MAML3: variants seen among roughly 807,000 people sequenced by gnomAD.
MAML3 encodes mastermind like transcriptional coactivator 3.
A neutral mutation model predicts 101.9 loss-of-function variants in MAML3; 27 were observed. The ratio of observed to expected loss-of-function variants is 0.27; its 90% CI spans 0.20 to 0.37. The LOEUF (loss-of-function observed/expected upper bound fraction) is 0.37. MAML3 is among the 10% of genes least tolerant of loss of function. The pLI is 1.00. For synonymous variants in MAML3, 501 were observed against 555.9 expected (o/e 0.90, Z 1.39); for missense variants, 1,316 against 1,444.9 (o/e 0.91, Z 1.45).
chr4:140,000,330 T>C (rs570639191), intron 1 of MAML3, among the ~76,000 whole-genome samples: 14 of 150,476 alleles, frequency 9.3e-5, no homozygotes, highest in Non-Finnish European at 1.8e-4. Context: ...CCCCTATCCC[T>C]GAAGAAAAAA....
At chr4:139,800,075 T>C (rs983621454) in intron 2 of MAML3, among the ~76,000 whole-genome samples, 1 of 152,196 alleles carries the variant, frequency 6.6e-6, no homozygotes, top group Non-Finnish European at 1.5e-5. Flanking sequence ...AAATATATTA[T>C]TAAATTTATG....
intron 2 of MAML3, among the ~76,000 whole-genome samples, chr4:139,809,890 A>ACACACACACC (rs1730766601): frequency 6.6e-6 from 1 of 151,928 alleles, no homozygotes; most frequent in Non-Finnish European, 1.5e-5. Context: ...ACACACACAC[A>ACACACACACC]CACACACACG....
chr4:140,056,415 T>A (rs62345586), intron 1 of MAML3, among the ~76,000 whole-genome samples: 32,743 of 150,824 alleles, frequency 0.22, 3,696 homozygotes, highest in Middle Eastern at 0.24. Context: ...TGGAGTGCAA[T>A]GGCGCGATCT....
At chr4:139,823,680 A>T (rs1731013997) in intron 2 of MAML3, among the ~76,000 whole-genome samples, 1 of 150,798 alleles carries the variant, frequency 6.6e-6, no homozygotes, top group Non-Finnish European at 1.5e-5. Flanking sequence ...TTTGTTCCAT[A>T]GCACTTATAA....
At chr4:139,990,077 T>C (rs1358252676) in intron 1 of MAML3, among the ~76,000 whole-genome samples, 1 of 152,172 alleles carries the variant, frequency 6.6e-6, no homozygotes, top group Admixed American at 6.5e-5. Context: ...ATCTTGATTT[T>C]TTTCACTTTT....
intron 2 of MAML3, among the ~76,000 whole-genome samples, chr4:139,833,756 G>A (rs998418623): frequency 2.6e-5 from 4 of 152,136 alleles, no homozygotes; most frequent in Non-Finnish European, 4.4e-5. Context: ...TTGTGGCTTG[G>A]GGATAGACCG....
chr4:140,057,326 AT>A (rs901135924), intron 1 of MAML3, among the ~76,000 whole-genome samples: 3 of 151,670 alleles, frequency 2.0e-5, no homozygotes, highest in Non-Finnish European at 4.4e-5. Flanking sequence ...TTGCCAGAAG[AT>A]TTTTTTTTCT....
chr4:139,734,159 C>T (rs1030557695), intron 2 of MAML3, among the ~76,000 whole-genome samples: 2 of 152,154 alleles, frequency 1.3e-5, no homozygotes, highest in African/African-American at 4.8e-5. Flanking sequence ...TTAAGCTGGC[C>T]GAGGCCACTA....
Position 139,719,547 on chromosome 4 carries a change from G to A in MAML3, c.3193C>T (p.Pro1065Ser), listed in dbSNP as rs759284572. 1 of 1,613,868 alleles carries A rather than the reference G, an allele frequency of 6.2e-7. No individual in the cohort carries two copies. The highest frequency in any genetic ancestry group is 1.1e-5 in the South Asian group (1 of 91,066). The change falls in exon 5 of 5, where the codon CCA (proline) becomes TCA (serine). Residue 1065 changes from proline (P) to serine (S), a missense_variant. Coordinates refer to ENST00000509479, the MANE Select transcript of MAML3 (RefSeq NM_018717.5). ...CCACTGGGTATCTGCTGCTGTGCTG[G>A]GGGCTGGCTGAACGCTGGCATGCCT... The part of the protein sequence containing the change: ...VPGMPAFSQP[P>S]AQQQIPSGSF...
At chr4:139,996,135 T>G (rs75175863) in intron 1 of MAML3, among the ~76,000 whole-genome samples, 2,392 of 152,314 alleles carry the variant, frequency 0.016, 33 homozygotes, top group South Asian at 0.031. Flanking sequence ...ATGATTTCTT[T>G]TAAATTCATT....
At chr4:139,801,223 GC>G (rs1730599027) in intron 2 of MAML3, among the ~76,000 whole-genome samples, 1 of 152,214 alleles carries the variant, frequency 6.6e-6, no homozygotes, top group East Asian at 1.9e-4. Flanking sequence ...CCCAAAAAGG[GC>G]TGCCAGATAA....
At position 139,985,927 on chromosome 4, in the gene MAML3, C is replaced by G. The variant is rs537988822; in HGVS notation, c.469-94960G>C. Reference sequence around the variant, plus strand: ...TTCAAGAGTGGCTATGGAAACAGACCAGATCTCTTTGCTGTCTCTGAGGCC... The same window carrying G: ...TTCAAGAGTGGCTATGGAAACAGACGAGATCTCTTTGCTGTCTCTGAGGCC... On this transcript the variant is annotated intron_variant, in intron 1 of 4. Coordinates refer to ENST00000509479, the MANE Select transcript of MAML3 (RefSeq NM_018717.5). Among the ~76,000 whole-genome samples, 23 of 152,348 alleles carry G rather than the reference C, an allele frequency of 1.5e-4. No individual in the cohort carries two copies. The South Asian group carries it at 2.9e-3, about 19-fold the overall frequency.
intron 2 of MAML3, chr4:139,794,307 C>T (rs1730471977): frequency 6.6e-6 from 1 of 152,158 alleles, no homozygotes; most frequent in African/African-American, 2.4e-5. Flanking sequence ...CTCTATACAG[C>T]CCCAGGAAGG....
In MAML3 at chr4:139,725,735, G is replaced by C; in HGVS notation, c.2416+16C>G. On this transcript the variant is annotated intron_variant, in intron 4 of 4. Coordinates refer to ENST00000509479, the MANE Select transcript of MAML3 (RefSeq NM_018717.5). ...CACTGGAAGGTATAAAATGAGAGAG[G>C]TTGCACTGGCCTCACCTTGAAACTG... The C allele has an allele frequency of 3.7e-6, 6 of 1,612,766 alleles. No individual in the cohort carries two copies. The highest frequency in any genetic ancestry group is 5.1e-6 in the Non-Finnish European group (6 of 1,178,840).
chr4:140,098,162 G>A (rs1325697902), intron 1 of MAML3, among the ~76,000 whole-genome samples: 6 of 152,162 alleles, frequency 3.9e-5, no homozygotes, highest in Non-Finnish European at 8.8e-5. Flanking sequence ...TATGTGAAGT[G>A]TGTTTATTTA....
intron 1 of MAML3, among the ~76,000 whole-genome samples, chr4:139,899,385 A>G (rs905067841): frequency 2.6e-5 from 4 of 152,228 alleles, no homozygotes; most frequent in African/African-American, 4.8e-5. Flanking sequence ...TATTTTTCAT[A>G]AAAATGTGTA....
At chr4:139,861,784 C>T (rs1046437367) in intron 2 of MAML3, among the ~76,000 whole-genome samples, 3 of 152,040 alleles carry the variant, frequency 2.0e-5, no homozygotes, top group African/African-American at 2.4e-5. Flanking sequence ...TTTCCAGAAA[C>T]GAATCTGATT....
At chr4:139,893,225 C>T (rs937852089) in intron 1 of MAML3, among the ~76,000 whole-genome samples, 1 of 152,194 alleles carries the variant, frequency 6.6e-6, no homozygotes, top group Non-Finnish European at 1.5e-5. Context: ...GCTCCCTCTC[C>T]TCTTCCCCTG....
intron 1 of MAML3, among the ~76,000 whole-genome samples, chr4:140,019,489 A>C (rs1231766938): frequency 6.6e-6 from 1 of 152,256 alleles, no homozygotes; most frequent in Non-Finnish European, 1.5e-5. Context: ...GAATGAATGC[A>C]TGAACAAATA....
Sources: allele counts gnomAD v4.1 joint callset (sites outside exome capture counted in the v4.1 genomes callset), GRCh38; gene constraint gnomAD v4.1.1; transcripts MANE v1.5; gene names NCBI Gene and HGNC (gene_info 2026-07-23, HGNC 2026-07-21).